Variants in ADGRB3 observed in about 807,000 individuals in gnomAD.
ADGRB3 encodes the protein adhesion G protein-coupled receptor B3, also known as brain-specific angiogenesis inhibitor 3.
A neutral mutation model predicts 193.4 loss-of-function variants in ADGRB3; 37 were observed. The ratio of observed to expected loss-of-function variants is 0.19; its 90% confidence interval spans 0.15 to 0.25. ADGRB3 has a LOEUF of 0.25. Among genes scored for constraint, ADGRB3 ranks in the 10% least tolerant of loss-of-function variants. The pLI, the probability that ADGRB3 is intolerant of heterozygous loss-of-function variation, is 1.00. For synonymous variants in ADGRB3, 690 were observed against 644.2 expected (o/e 1.07, Z -1.08); for missense variants, 1,637 against 1,852.9 (o/e 0.88, Z 2.14).
chr6:68,971,785 A>G (rs3798980), intron 8 of ADGRB3, among the ~76,000 whole-genome samples: 5,859 of 152,338 alleles, frequency 0.038, 139 homozygotes, highest in Middle Eastern at 0.054. Flanking sequence ...TCCAACATTT[A>G]CTAACTTTTC....
At chr6:68,766,794 A>G (rs1043225897) in intron 3 of ADGRB3, among the ~76,000 whole-genome samples, 4 of 152,018 alleles carry the variant, frequency 2.6e-5, no homozygotes, top group Non-Finnish European at 5.9e-5. Context: ...TCTTTATAAA[A>G]AAGTTGCAGC....
chr6:69,205,823 T>C (rs1303664481), intron 17 of ADGRB3, among the ~76,000 whole-genome samples: 1 of 151,724 alleles, frequency 6.6e-6, no homozygotes, highest in African/African-American at 2.4e-5. Flanking sequence ...TCTCACCTTG[T>C]CACCCAGGCT....
intron 3 of ADGRB3, among the ~76,000 whole-genome samples, chr6:68,915,869 G>T (rs902704240): frequency 2.6e-5 from 4 of 152,060 alleles, no homozygotes; most frequent in African/African-American, 9.7e-5. Flanking sequence ...TAAAACCAAA[G>T]AATTTACTGC....
At chr6:69,153,072 C>T (rs753659271) in intron 17 of ADGRB3, among the ~76,000 whole-genome samples, 13 of 151,856 alleles carry the variant, frequency 8.6e-5, no homozygotes, top group Middle Eastern at 3.2e-3. Context: ...TCACATGAAG[C>T]GTCCACCCAG....
intron 6 of ADGRB3, among the ~76,000 whole-genome samples, chr6:68,946,229 G>A (rs1227800658): frequency 1.3e-5 from 2 of 151,848 alleles, no homozygotes; most frequent in Admixed American, 6.6e-5. Flanking sequence ...CAAAAAAATC[G>A]ACGTTATGAT....
chr6:69,354,122 A>G (rs1769285579), intron 26 of ADGRB3, 111 bp from the exon 27 acceptor site: 7 of 715,462 alleles, frequency 9.8e-6, no homozygotes, highest in East Asian at 5.1e-5. Context: ...CAAAATCAGT[A>G]TAAGATAGTA....
At chr6:69,128,219 C>T (rs1252228230) in intron 17 of ADGRB3, among the ~76,000 whole-genome samples, 2 of 152,226 alleles carry the variant, frequency 1.3e-5, no homozygotes, top group Admixed American at 1.3e-4. Context: ...CCTGTCTACT[C>T]ATAAGAGAGT....
chr6:69,155,374 A>AAACT (rs1266209970), intron 17 of ADGRB3, among the ~76,000 whole-genome samples: 1 of 152,228 alleles, frequency 6.6e-6, no homozygotes, highest in Non-Finnish European at 1.5e-5. Context: ...TTCATCTGAC[A>AAACT]AACTAGAAAA....
At chr6:69,244,164 A>AAGAT (rs1329495516) in intron 20 of ADGRB3, among the ~76,000 whole-genome samples, 4 of 152,006 alleles carry the variant, frequency 2.6e-5, no homozygotes, top group African/African-American at 9.7e-5. Context: ...AGACTTGCAA[A>AAGAT]AGATACAAAA....
intron 20 of ADGRB3, 111 bp downstream of exon 20, chr6:69,239,337 T>C: frequency 1.3e-6 from 1 of 744,802 alleles, no homozygotes; most frequent in East Asian, 2.8e-5. Context: ...GACAAAATTA[T>C]ATTTTAAAGC....
At position 68,638,875 on chromosome 6, in the gene ADGRB3, A is replaced by G; in HGVS notation, c.200A>G (p.Tyr67Cys). Residue 67 changes from tyrosine to cysteine, a missense_variant, in exon 3 of 32, where the codon TAT becomes TGT. Around this residue, in one of 7 missense-constraint regions of ADGRB3, gnomAD observed 365 missense variants for 409.8 expected, o/e 0.89. Coordinates refer to ENST00000370598, the MANE Select transcript of ADGRB3 (RefSeq NM_001704.3). ...CTGGAAAATCCAGATCCAACCAAATATAGCATTTACCTGAAATTTTCCAAA... is the reference window on the plus strand; with the variant it reads ...CTGGAAAATCCAGATCCAACCAAATGTAGCATTTACCTGAAATTTTCCAAA... Reference protein sequence around the residue: ...WTLENPDPTKYSIYLKFSKKD... With the variant: ...WTLENPDPTKCSIYLKFSKKD... The G allele has an allele frequency of 1.2e-6, 2 of 1,614,170 alleles. No individual in the cohort carries two copies. Among genetic ancestry groups the G allele is most frequent in the Non-Finnish European group, 1.7e-6 (2 of 1,180,028 alleles).
intron 5 of ADGRB3, among the ~76,000 whole-genome samples, chr6:68,940,760 C>T (rs914162650): frequency 5.3e-5 from 8 of 151,728 alleles, no homozygotes; most frequent in South Asian, 4.2e-4. Flanking sequence ...GACGTGGTGC[C>T]GCGCGCCTGT....
In ADGRB3 at chr6:69,235,033, T is replaced by A. The variant is rs61747010; in HGVS notation, c.2609T>A (p.Ile870Asn). The A allele has an allele frequency of 6.2e-7, 1 of 1,605,900 alleles. No homozygotes were observed. Among genetic ancestry groups the A allele is most frequent in the African/African-American group, 1.3e-5 (1 of 74,704 alleles). Reference protein sequence around the residue: ...AILAQQPREIIMESSGTPSVT... With the variant: ...AILAQQPREINMESSGTPSVT... ...TTTTTTGTTTTGTTTAATTCACAGA[T>A]CATGGAATCCTCTGGCACACCTTCA... Residue 870 changes from isoleucine (I) to asparagine (N), a missense_variant and splice_region_variant, in exon 19 of 32, where the codon ATC (isoleucine) becomes AAC (asparagine). Around this residue, in one of 7 missense-constraint regions of ADGRB3, gnomAD observed 641 missense variants for 673.9 expected, o/e 0.95. Coordinates refer to ENST00000370598, the MANE Select transcript of ADGRB3 (RefSeq NM_001704.3).
chr6:69,098,031 G>A (rs1321131081), intron 17 of ADGRB3, among the ~76,000 whole-genome samples: 2 of 152,198 alleles, frequency 1.3e-5, no homozygotes, highest in African/African-American at 2.4e-5. Flanking sequence ...CCCAGTGAAT[G>A]ATTTCTGACA....
intron 17 of ADGRB3, among the ~76,000 whole-genome samples, chr6:69,184,556 A>G (rs1765031012): frequency 6.6e-6 from 1 of 152,146 alleles, no homozygotes; most frequent in South Asian, 2.1e-4. Context: ...CATGTATAAA[A>G]TCCAAAAGCA....
chr6:69,002,749 C>A (rs1769618671), intron 11 of ADGRB3, among the ~76,000 whole-genome samples: 1 of 152,078 alleles, frequency 6.6e-6, no homozygotes, highest in African/African-American at 2.4e-5. Flanking sequence ...TAGGCCTCAT[C>A]TGTAGAGGTA....
At chr6:68,896,692 G>T (rs989350048) in intron 3 of ADGRB3, among the ~76,000 whole-genome samples, 1 of 152,112 alleles carries the variant, frequency 6.6e-6, no homozygotes, top group Non-Finnish European at 1.5e-5. Context: ...AAAGAGAAAG[G>T]AGTTGGAGGT....
At chr6:68,758,611 A>G (rs549847481) in intron 3 of ADGRB3, among the ~76,000 whole-genome samples, 1 of 152,164 alleles carries the variant, frequency 6.6e-6, no homozygotes, top group African/African-American at 2.4e-5. Context: ...ACATACATTC[A>G]CATTTCTTGA....
intron 20 of ADGRB3, among the ~76,000 whole-genome samples, chr6:69,253,594 A>G (rs1022899542): frequency 1.3e-5 from 2 of 152,048 alleles, no homozygotes; most frequent in Non-Finnish European, 2.9e-5. Flanking sequence ...AAACTAGAGA[A>G]GAGTTGAAGA....
Sources: gnomAD v4.1 joint callset for allele counts (sites outside exome capture counted in the v4.1 genomes callset) on GRCh38, gnomAD v4.1.1 for gene constraint, gnomAD v4.1.1 regional missense constraint, MANE v1.5 for transcripts, NCBI Gene and HGNC (gene_info 2026-07-23, HGNC 2026-07-21) for gene names.